SLC26A3: variants seen among roughly 807,000 people sequenced by gnomAD.
SLC26A3 encodes solute carrier family 26 member 3.
SLC26A3 carries 64 observed loss-of-function variants against 85.6 expected under a neutral mutation model. The ratio of observed to expected loss-of-function variants is 0.75; its 90% confidence interval spans 0.61 to 0.92. The LOEUF is 0.92. SLC26A3 is among the 40% of genes least tolerant of loss of function. The probability of loss-of-function intolerance (pLI) is 0.00; values close to 1 mark genes in which losing one functional copy is unlikely to be tolerated. For missense variants in SLC26A3, 922 were observed against 927.3 expected (o/e 0.99, Z 0.07); for synonymous variants, 349 against 336.0 (o/e 1.04, Z -0.42).
chr7:107,767,646 T>C lies in SLC26A3; in HGVS notation c.2206-2A>G, dbSNP rs755589533. ...AAAATCAATTTTTCCATCTTTTTCC[T>C]GAGAAAAAGAGAATGGAAATATGGA... is the stretch of plus-strand genomic sequence containing the variant. On this transcript the variant is annotated splice_acceptor_variant, in intron 19 of 20. Coordinates refer to ENST00000340010, the MANE Select transcript of SLC26A3 (RefSeq NM_000111.3). LOFTEE classifies it high-confidence loss of function. 4.4e-6 allele frequency: 7 copies of C among 1,608,726 alleles called. No individual in the cohort carries two copies. The East Asian group carries it at 1.6e-4, about 36-fold the overall frequency.
chr7:107,772,746 G>T lies in SLC26A3; in HGVS notation c.2008-638C>A, dbSNP rs551349872. Among the ~76,000 whole-genome samples the T allele has an allele frequency of 2.6e-5, 4 of 152,018 alleles. No homozygotes were observed. The South Asian group carries it at 8.3e-4, about 32-fold the overall frequency. On this transcript the variant is annotated intron_variant, in intron 17 of 20. Transcript: ENST00000340010. ...CCCTGTCCTTTGTGTTATACTGCTA[G>T]AACCAAAAAATAAATGTGTGTGTGT...
chr7:107,793,114 C>T (rs6960886), intron 3 of SLC26A3, among the ~76,000 whole-genome samples: 80,222 of 151,982 alleles, frequency 0.53, 21,787 homozygotes, highest in African/African-American at 0.65. Context: ...ATGGAGAAAT[C>T]TGAACCCTCA....
intron 11 of SLC26A3, among the ~76,000 whole-genome samples, chr7:107,781,746 C>A (rs1242360221): frequency 6.6e-6 from 1 of 152,030 alleles, no homozygotes; most frequent in Non-Finnish European, 1.5e-5. Flanking sequence ...CACTGGGAGT[C>A]CAGCAACCTG....
At chr7:107,785,265 A>G (rs1265202378) in intron 8 of SLC26A3, among the ~76,000 whole-genome samples, 1 of 152,208 alleles carries the variant, frequency 6.6e-6, no homozygotes, top group African/African-American at 2.4e-5. Context: ...ATTGAGGCAC[A>G]GAGTTTTTGG....
chr7:107,774,177 G>C (rs375834082), intron 16 of SLC26A3, 24 bp from the exon 17 acceptor site: 192 of 1,553,162 alleles, frequency 1.2e-4, no homozygotes, highest in Non-Finnish European at 1.6e-4. Context: ...TAACAAGTAT[G>C]AAAACTGTGA....
intron 1 of SLC26A3, among the ~76,000 whole-genome samples, chr7:107,802,742 CTTTTTT>C (rs35087147): frequency 9.0e-6 from 1 of 110,772 alleles, no homozygotes; most frequent in Middle Eastern, 5.5e-3. Flanking sequence ...TTAAAGCTTG[CTTTTTT>C]TTTTTTTTTT....
At chr7:107,778,392 A>ACCTTGTC in intron 12 of SLC26A3, 111 bp from the exon 13 acceptor site, 1 of 624,032 alleles carries the variant, frequency 1.6e-6, no homozygotes. Flanking sequence ...CGACAGTGAG[A>ACCTTGTC]CCTTGTCCCT....
chr7:107,789,795 T>C, intron 5 of SLC26A3, 107 bp from the exon 6 acceptor site: 1 of 1,174,864 alleles, frequency 8.5e-7, no homozygotes, highest in South Asian at 1.4e-5. Context: ...AGGCTCAACC[T>C]GTATGTACAT....
chr7:107,768,313 G>C (rs975650104), intron 18 of SLC26A3, among the ~76,000 whole-genome samples: 8 of 152,176 alleles, frequency 5.3e-5, no homozygotes, highest in African/African-American at 1.9e-4. Context: ...ATATGCTGTG[G>C]TTCTTTATTG....
Position 107,776,504 on chromosome 7 carries a change from G to A in SLC26A3, c.1625C>T (p.Ser542Phe). 6.2e-7 allele frequency: 1 copy of A among 1,614,104 alleles called. No homozygotes were observed. ...ACCAATGTTTGCAAAGTAGATAGGA[G>A]ATGGACATCTGAAAATTTTCACTCC... ...PEGVKIFRCPSPIYFANIGFF... is the reference protein window; with the variant it reads ...PEGVKIFRCPFPIYFANIGFF... Residue 542 changes from serine (S) to phenylalanine (F), a missense_variant, in exon 15 of 21, where the codon TCT (serine) becomes TTT (phenylalanine). Coordinates refer to ENST00000340010, the MANE Select transcript of SLC26A3 (RefSeq NM_000111.3).
chr7:107,772,929 TC>T (rs1794050494), intron 17 of SLC26A3, among the ~76,000 whole-genome samples: 1 of 152,186 alleles, frequency 6.6e-6, no homozygotes, highest in South Asian at 2.1e-4. Context: ...TGTATCCAGT[TC>T]ACCCATGCTG....
intron 1 of SLC26A3, among the ~76,000 whole-genome samples, chr7:107,795,970 A>G (rs1358493085): frequency 6.6e-6 from 1 of 151,732 alleles, no homozygotes; most frequent in Non-Finnish European, 1.5e-5. Context: ...TTTCTCTCCC[A>G]TCCCATTTTC....
chr7:107,794,360 A>G lies in SLC26A3; in HGVS notation c.131+19T>C. ...TCAAAAATGTATTCCTAATGCCAAT[A>G]CCTTAAAAAATATCTTACCTACAAC... On this transcript the variant is annotated intron_variant, in intron 2 of 20. Transcript: ENST00000340010. 1.2e-6 allele frequency: 2 copies of G among 1,613,474 alleles called. No individual in the cohort carries two copies. The highest frequency in any genetic ancestry group is 8.5e-7 in the Non-Finnish European group (1 of 1,179,648).
intron 11 of SLC26A3, among the ~76,000 whole-genome samples, chr7:107,781,393 C>G (rs1794213143): frequency 6.6e-6 from 1 of 152,122 alleles, no homozygotes; most frequent in Non-Finnish European, 1.5e-5. Context: ...CTAAAAAGAA[C>G]ATATCACAGG....
intron 1 of SLC26A3, among the ~76,000 whole-genome samples, chr7:107,801,763 A>G (rs1200280945): frequency 6.6e-6 from 1 of 152,028 alleles, no homozygotes; most frequent in Admixed American, 6.6e-5. Context: ...AAATCAAATT[A>G]GTTGCTTCCT....
intron 17 of SLC26A3, among the ~76,000 whole-genome samples, chr7:107,773,629 C>T (rs1438060934): frequency 1.3e-5 from 2 of 152,202 alleles, no homozygotes; most frequent in Non-Finnish European, 2.9e-5. Context: ...CGGCTCACTG[C>T]AATTGCCACC....
chr7:107,774,889 T>A lies in SLC26A3; in HGVS notation c.1678-17A>T. The stretch of plus-strand genomic sequence containing the variant: ...AAAGCCAACCTGAGAAACCCATTGC[T>A]GTGTTACAAGAGTACTGAATATTCT... On this transcript the variant is annotated splice_polypyrimidine_tract_variant and intron_variant, in intron 15 of 20. Transcript: ENST00000340010. 6.3e-7 allele frequency: 1 copy of A among 1,594,684 alleles called. No individual in the cohort carries two copies. Among genetic ancestry groups the A allele is most frequent in the Non-Finnish European group, 8.6e-7 (1 of 1,162,254 alleles).
In SLC26A3 at chr7:107,782,976, A is replaced by G. The variant is rs1245883159; in HGVS notation, c.1233+4T>C. 4.3e-6 allele frequency: 7 copies of G among 1,613,806 alleles called. No homozygotes were observed. Among genetic ancestry groups the G allele is most frequent in the South Asian group, 1.1e-5 (1 of 91,090 alleles). On this transcript the variant is annotated splice_donor_region_variant and intron_variant, in intron 10 of 20. Coordinates refer to ENST00000340010, the MANE Select transcript of SLC26A3 (RefSeq NM_000111.3). ...CAGTGCTTGCAGCAAAGATCTTGACATACCTGTGTTTTGCCTCCTGTGCTC... is the reference window on the plus strand; with the variant it reads ...CAGTGCTTGCAGCAAAGATCTTGACGTACCTGTGTTTTGCCTCCTGTGCTC...
At position 107,802,087 on chromosome 7, in the gene SLC26A3, G is replaced by T. The variant is rs538879231; in HGVS notation, c.-89+1024C>A. Among the ~76,000 whole-genome samples, 195 of 129,266 alleles carry T rather than the reference G, an allele frequency of 1.5e-3. 3 individuals are homozygous for T. The highest frequency in any genetic ancestry group is 4.4e-3 in the Middle Eastern group (1 of 228). The allele number at this position is 129,266 out of a possible 152,430, so 84.8% of individuals were successfully genotyped here. A position where few individuals can be genotyped will look rare whatever the true frequency, so the allele number is the denominator to read the frequency against. ...AGCCTGGGCGACAGAGTGAGAATCC[G>T]TCTCAGAAAAAAAAAAAAAAAAAGG... On this transcript the variant is annotated intron_variant, in intron 1 of 20. Coordinates refer to ENST00000340010, the MANE Select transcript of SLC26A3 (RefSeq NM_000111.3).
Sources: allele counts gnomAD v4.1 joint callset (sites outside exome capture counted in the v4.1 genomes callset), GRCh38; gene constraint gnomAD v4.1.1; transcripts MANE v1.5; gene names NCBI Gene and HGNC (gene_info 2026-07-23, HGNC 2026-07-21).